The following BACH2 variants were observed in gnomAD, a reference collection of about 807,000 sequenced individuals.
BACH2 encodes the protein transcription regulator protein BACH2.
BACH2 carries 5 observed loss-of-function variants against 61.8 expected under a neutral mutation model. The observed-to-expected ratio is 0.08, with a 90% CI of 0.04 to 0.17. The LOEUF is 0.17. Ranked by LOEUF, BACH2 falls within the 10% of genes least tolerant of loss-of-function variation. The probability of loss-of-function intolerance (pLI) is 1.00; values close to 1 mark genes in which losing one functional copy is unlikely to be tolerated. For synonymous variants in BACH2, 446 were observed against 440.1 expected, an observed-to-expected ratio of 1.01 and a Z score of -0.17; for missense variants, 824 against 1,091.1, an observed-to-expected ratio of 0.76 and a Z score of 3.45.
rs190104730 is a variant in BACH2 at position 90,095,603 on chromosome 6, G to A, written c.-161-6494C>T. Among the ~76,000 whole-genome samples the A allele has an allele frequency of 2.9e-3, 445 of 152,258 alleles. 8 individuals are homozygous for A. Among genetic ancestry groups the A allele is most frequent in the Non-Finnish European group, 6.0e-4 (41 of 68,014 alleles). On this transcript the variant is annotated intron_variant, in intron 4 of 8. Coordinates refer to ENST00000257749, the MANE Select transcript of BACH2 (RefSeq NM_021813.4). ...TTTTCACTTCTATCATAAAAGGATG[G>A]TGCAGGCAGAACTACTTGCCACTAA...
chr6:90,165,854 T>C (rs1156347970), intron 4 of BACH2, among the ~76,000 whole-genome samples: 1 of 152,202 alleles, frequency 6.6e-6, no homozygotes, highest in Non-Finnish European at 1.5e-5. Flanking sequence ...TGGCTAGCCA[T>C]TTGTAGAAAG....
At position 89,927,168 on chromosome 6, in the gene BACH2, G is replaced by T. The variant is rs1408197721; in HGVS notation, c.*5240C>A. On this transcript the variant is annotated 3_prime_UTR_variant, in exon 9 of 9. Transcript: ENST00000257749. ...GGCCTCACTAGCAAAGGTGGTGCTTGCCTTGAATGGCTCACTGTGTCTAAC... is the reference window on the plus strand; with the variant it reads ...GGCCTCACTAGCAAAGGTGGTGCTTTCCTTGAATGGCTCACTGTGTCTAAC... 6.5e-6 allele frequency: 1 copy of T among 152,816 alleles called. No homozygotes were observed. The highest frequency in any genetic ancestry group is 1.5e-5 in the Non-Finnish European group (1 of 68,052). 9.5% of individuals were successfully genotyped at this position (152,816 alleles called of 1,614,324 possible).
chr6:90,129,451 A>C (rs1784004740), intron 4 of BACH2, among the ~76,000 whole-genome samples: 1 of 149,160 alleles, frequency 6.7e-6, no homozygotes, highest in South Asian at 2.2e-4. Flanking sequence ...CCCTCCCCTC[A>C]CCTCCCAACA....
chr6:90,167,086 A>G (rs903613705), intron 4 of BACH2, among the ~76,000 whole-genome samples: 93 of 152,156 alleles, frequency 6.1e-4, no homozygotes, highest in African/African-American at 2.0e-3. Flanking sequence ...TGTGCTGTGG[A>G]CCATGGAACA....
At chr6:90,040,662 T>C (rs1389485431) in intron 5 of BACH2, among the ~76,000 whole-genome samples, 1 of 152,160 alleles carries the variant, frequency 6.6e-6, no homozygotes, top group East Asian at 1.9e-4. Flanking sequence ...TTTATTCACA[T>C]CTTTGTTTTT....
chr6:90,258,416 G>T (rs953846520), intron 2 of BACH2, among the ~76,000 whole-genome samples: 1 of 151,992 alleles, frequency 6.6e-6, no homozygotes, highest in African/African-American at 2.4e-5. Flanking sequence ...TGTTCCACTG[G>T]TCTATGTGTC....
intron 4 of BACH2, among the ~76,000 whole-genome samples, chr6:90,168,828 C>T (rs982575535): frequency 3.9e-5 from 6 of 152,160 alleles, no homozygotes; most frequent in African/African-American, 1.2e-4. Context: ...ATCTTGGAAT[C>T]GCTGGACACC....
chr6:90,128,892 A>ATGAGTTCATGT (rs1454792232), intron 4 of BACH2, among the ~76,000 whole-genome samples: 12 of 152,186 alleles, frequency 7.9e-5, no homozygotes, highest in Non-Finnish European at 1.5e-4. Flanking sequence ...ATAAAAAATG[A>ATGAGTTCATGT]TGAGTTCATG....
chr6:90,032,595 C>T, intron 5 of BACH2, among the ~76,000 whole-genome samples: 1 of 151,282 alleles, frequency 6.6e-6, no homozygotes, highest in Non-Finnish European at 1.5e-5. Flanking sequence ...AGCCAAAAGA[C>T]ACATGAAAAA....
At chr6:90,089,392 CCTA>C (rs1394145276) in intron 4 of BACH2, among the ~76,000 whole-genome samples, 4 of 152,008 alleles carry the variant, frequency 2.6e-5, no homozygotes, top group African/African-American at 9.6e-5. Context: ...CCAAATGCAG[CCTA>C]GGAGATAGGT....
chr6:90,073,641 G>A (rs192066243), intron 5 of BACH2, among the ~76,000 whole-genome samples: 1 of 152,196 alleles, frequency 6.6e-6, no homozygotes, highest in East Asian at 1.9e-4. Context: ...CAATTTTAAG[G>A]TGCTGCCAGA....
At chr6:90,095,270 A>G (rs1012826494) in intron 4 of BACH2, among the ~76,000 whole-genome samples, 1 of 152,144 alleles carries the variant, frequency 6.6e-6, no homozygotes, top group Non-Finnish European at 1.5e-5. Context: ...ACAGAATTTA[A>G]ACAGACACTT....
chr6:89,950,358 T>C lies in BACH2; in HGVS notation c.1748A>G (p.Gln583Arg), dbSNP rs777844890. ...GTCACTGGAGTTGGTTCCATAAGAC[T>C]GCTCACATTTAATTTGGGGCCGCAC... ...NQVRPQIKCE[Q>R]SYGTNSSDES... Residue 583 changes from glutamine to arginine, a missense_variant, in exon 7 of 9, where the codon CAG becomes CGG. Transcript: ENST00000257749. The surrounding 1 kb of genome is among the most constrained non-coding windows in gnomAD (Gnocchi z 5.3). The C allele has an allele frequency of 1.3e-5, 21 of 1,614,046 alleles. 1 individual carries two copies. The highest frequency in any genetic ancestry group is 1.1e-5 in the Non-Finnish European group (13 of 1,180,036).
intron 3 of BACH2, among the ~76,000 whole-genome samples, chr6:90,236,636 A>G (rs1770268204): frequency 1.3e-5 from 2 of 152,202 alleles, no homozygotes; most frequent in Non-Finnish European, 2.9e-5. Context: ...GAGGCAGGTA[A>G]AGAGTTTCCT....
chr6:90,233,406 C>T (rs1770160949), intron 3 of BACH2, among the ~76,000 whole-genome samples: 1 of 152,208 alleles, frequency 6.6e-6, no homozygotes, highest in Non-Finnish European at 1.5e-5. Context: ...TCTGCCTGTG[C>T]ACACAGGCTG....
chr6:89,936,334 G>T (rs1773019260), intron 8 of BACH2, among the ~76,000 whole-genome samples: 1 of 152,158 alleles, frequency 6.6e-6, no homozygotes, highest in Non-Finnish European at 1.5e-5. Flanking sequence ...TAGAGATGGG[G>T]TCTTGCTATA....
chr6:90,166,358 C>T (rs1313547932), intron 4 of BACH2, among the ~76,000 whole-genome samples: 5 of 152,086 alleles, frequency 3.3e-5, no homozygotes, highest in Non-Finnish European at 1.5e-5. Flanking sequence ...CAATGAGATA[C>T]CATCTCACAC....
rs187199580 is a variant in BACH2, at chr6:89,929,223, T to A, written c.*3185A>T. On this transcript the variant is annotated 3_prime_UTR_variant, in exon 9 of 9. Coordinates refer to ENST00000257749, the MANE Select transcript of BACH2 (RefSeq NM_021813.4). ...TCTTATTTTTGTAAGAAAAGAGCCT[T>A]AAGAACAACCAAATGTTACTGTACT... The A allele has an allele frequency of 6.6e-6, 1 of 152,420 alleles. No individual in the cohort carries two copies. 9.4% of individuals were successfully genotyped at this position (152,420 alleles called of 1,614,324 possible).
intron 7 of BACH2, among the ~76,000 whole-genome samples, chr6:89,940,454 T>C (rs993142043): frequency 3.3e-5 from 5 of 152,338 alleles, no homozygotes; most frequent in African/African-American, 2.4e-5. Flanking sequence ...TTTGAGCAGT[T>C]TGTCACTCCC....
Sources: allele counts gnomAD v4.1 joint callset (sites outside exome capture counted in the v4.1 genomes callset), GRCh38; gene constraint gnomAD v4.1.1; non-coding constraint Gnocchi (gnomAD v3.1); transcripts MANE v1.5; gene names NCBI Gene and HGNC (gene_info 2026-07-23, HGNC 2026-07-21).